Variants in BPIFC observed in about 807,000 individuals in gnomAD.
BPIFC encodes the protein BPI fold containing family C.
In BPIFC, 60 loss-of-function variants were observed where a neutral mutation model predicts 57.6. The ratio of observed to expected loss-of-function variants is 1.04; its 90% confidence interval spans 0.85 to 1.29. BPIFC has a LOEUF of 1.29. Ranked by LOEUF, BPIFC falls within the 50% of genes most tolerant of loss-of-function variation. The pLI, the probability that BPIFC is intolerant of heterozygous loss-of-function variation, is 0.00. For missense variants in BPIFC, 581 were observed against 600.5 expected (o/e 0.97, Z 0.34); for synonymous variants, 243 against 224.5 (o/e 1.08, Z -0.74).
chr22:32,416,436 T>G (rs752066306), intron 15 of BPIFC, among the ~76,000 whole-genome samples: 4 of 152,184 alleles, frequency 2.6e-5, no homozygotes, highest in Non-Finnish European at 5.9e-5. Flanking sequence ...CATGTTTGCA[T>G]TCTCTCTGAT....
intron 13 of BPIFC, among the ~76,000 whole-genome samples, chr22:32,423,688 A>C (rs1933915311): frequency 6.6e-6 from 1 of 151,730 alleles, no homozygotes; most frequent in Admixed American, 6.6e-5. Context: ...AAAACAAAAA[A>C]ACCTCCTAAG....
At chr22:32,441,281 T>C (rs538751774) in intron 8 of BPIFC, among the ~76,000 whole-genome samples, 1 of 152,336 alleles carries the variant, frequency 6.6e-6, no homozygotes, top group South Asian at 2.1e-4. Context: ...CTGGTCACTC[T>C]ATCTAGAATG....
Position 32,449,073 on chromosome 22 carries a change from C to T in BPIFC, c.246-1733G>A, listed in dbSNP as rs183660408. ...ATGAGGTGGTTGCTGTTTTTGCAAT[C>T]CCCATTTCAAAGATAAGAAGATAAA... On this transcript the variant is annotated intron_variant, in intron 4 of 16. Coordinates refer to ENST00000300399, the MANE Select transcript of BPIFC (RefSeq NM_174932.3). Among the ~76,000 whole-genome samples the T allele has an allele frequency of 5.4e-3, 826 of 152,248 alleles. 5 individuals are homozygous for T. The highest frequency in any genetic ancestry group is 8.4e-3 in the Non-Finnish European group (574 of 68,014).
At chr22:32,450,608 T>TA (rs1006943166) in intron 4 of BPIFC, among the ~76,000 whole-genome samples, 57 of 152,108 alleles carry the variant, frequency 3.7e-4, no homozygotes, top group African/African-American at 1.4e-3. Flanking sequence ...TTTCTTTTTT[T>TA]AAAAAAATAA....
chr22:32,445,974 G>C lies in BPIFC; in HGVS notation c.397C>G (p.Leu133Val). 1 of 1,614,166 alleles carries C rather than the reference G, an allele frequency of 6.2e-7. No homozygotes were observed. Residue 133 changes from leucine (L) to valine (V), a missense_variant, in exon 6 of 17, where the codon CTG becomes GTG. Transcript: ENST00000300399. ...GTAAAGTAGACTCCGGAGAGAAACA[G>C]ATCAGCCCCTCCTGTGTCTTGGCTG... ...PLFQDTGGAD[L>V]FLSGVYFTGI...
At chr22:32,460,594 C>T (rs1317531186) in intron 2 of BPIFC, among the ~76,000 whole-genome samples, 1 of 152,210 alleles carries the variant, frequency 6.6e-6, no homozygotes, top group Non-Finnish European at 1.5e-5. Flanking sequence ...TCCCTAAACA[C>T]ATGCCACGTT....
intron 5 of BPIFC, 113 bp downstream of exon 5, chr22:32,447,099 G>C (rs988078810): frequency 1.5e-6 from 2 of 1,354,360 alleles, no homozygotes; most frequent in Admixed American, 5.4e-5. Context: ...GAGAAAGATT[G>C]TTAATAATGA....
At chr22:32,417,041 G>A in intron 15 of BPIFC, 44 bp downstream of exon 15, 1 of 1,463,482 alleles carries the variant, frequency 6.8e-7, no homozygotes, top group Non-Finnish European at 9.6e-7. Flanking sequence ...GATGTTAAAT[G>A]TTAGCCGATG....
chr22:32,446,919 G>A (rs889908211), intron 5 of BPIFC: 13 of 588,666 alleles, frequency 2.2e-5, no homozygotes, highest in Non-Finnish European at 2.6e-5. Flanking sequence ...GTGGGTGATC[G>A]AAAATGTTGA....
At position 32,414,358 on chromosome 22, in the gene BPIFC, A is replaced by T. The variant is rs1933608001; in HGVS notation, c.1469T>A (p.Val490Glu). ...TSSKQQPSFH[V>E]WEGLNLISRQ... ...GCTTATCAGGTTCAGACCTTCCCATACGTGGAAACTTGGCTGCTGCTTTGA... is the reference window on the plus strand; with the variant it reads ...GCTTATCAGGTTCAGACCTTCCCATTCGTGGAAACTTGGCTGCTGCTTTGA... Residue 490 changes from valine (V) to glutamate (E), a missense_variant, in exon 17 of 17, where the codon GTA (valine) becomes GAA (glutamate). Physicochemically the swap from Val to Glu is moderately radical, Grantham distance 121. Transcript: ENST00000300399. The T allele has an allele frequency of 6.2e-7, 1 of 1,613,822 alleles. No homozygotes were observed. Among genetic ancestry groups the T allele is most frequent in the African/African-American group, 1.3e-5 (1 of 74,862 alleles).
chr22:32,441,282 A>C (rs373124507), intron 8 of BPIFC, among the ~76,000 whole-genome samples: 5 of 151,794 alleles, frequency 3.3e-5, no homozygotes. Flanking sequence ...TGGTCACTCT[A>C]TCTAGAATGG....
intron 13 of BPIFC, among the ~76,000 whole-genome samples, chr22:32,420,669 A>T (rs908294863): frequency 1.3e-5 from 2 of 152,232 alleles, no homozygotes; most frequent in African/African-American, 4.8e-5. Flanking sequence ...TATAGTTAAC[A>T]ATAATATATT....
intron 14 of BPIFC, among the ~76,000 whole-genome samples, chr22:32,417,798 A>G (rs1601440176): frequency 6.6e-6 from 1 of 152,124 alleles, no homozygotes; most frequent in Admixed American, 6.6e-5. Flanking sequence ...CGGCCACAGG[A>G]GTTCCCTTGT....
intron 12 of BPIFC, 30 bp downstream of exon 12, chr22:32,432,343 C>A (rs1934269857): frequency 6.2e-7 from 1 of 1,610,830 alleles, no homozygotes; most frequent in Non-Finnish European, 8.5e-7. Flanking sequence ...TTGGCATCTA[C>A]AGGCTGCTCC....
Position 32,445,919 on chromosome 22 carries a change from A to G in BPIFC, c.452T>C (p.Phe151Ser). ...TTGGAGCTTCAGGGTAGGATGACCA[A>G]AGTCATTTCGGGTTAGGATAATGAT... Reference protein sequence around the residue: ...TGIIILTRNDFGHPTLKLQDC... With the variant: ...TGIIILTRNDSGHPTLKLQDC... The change falls in exon 6 of 17, where the codon TTT (phenylalanine) becomes TCT (serine). Residue 151 changes from phenylalanine to serine, a missense_variant. Transcript: ENST00000300399. 1 of 1,614,026 alleles carries G rather than the reference A, an allele frequency of 6.2e-7. No homozygotes were observed. The highest frequency in any genetic ancestry group is 8.5e-7 in the Non-Finnish European group (1 of 1,179,992).
At chr22:32,444,598 T>A (rs1934662142) in intron 7 of BPIFC, among the ~76,000 whole-genome samples, 1 of 152,202 alleles carries the variant, frequency 6.6e-6, no homozygotes, top group Admixed American at 6.6e-5. Flanking sequence ...GACAATTCCA[T>A]CTTTCCCTTC....
At chr22:32,424,669 T>TCCTCCTCCTCCTCCTCCTCCTCCTCCTCC (rs1933976356) in intron 13 of BPIFC, among the ~76,000 whole-genome samples, 5 of 63,386 alleles carry the variant, frequency 7.9e-5, no homozygotes, top group Admixed American at 1.7e-4. Context: ...CTTCTTCTTC[T>TCCTCCTCCTCCTCCTCCTCCTCCTCCTCC]TCTTCTTCTT....
chr22:32,440,715 T>C (rs540511047), intron 8 of BPIFC, among the ~76,000 whole-genome samples: 17 of 152,304 alleles, frequency 1.1e-4, no homozygotes, highest in African/African-American at 3.8e-4. Context: ...CACCCTTCAC[T>C]CTTCTCCTGA....
chr22:32,426,492 C>G (rs1231746730), intron 13 of BPIFC, among the ~76,000 whole-genome samples: 1 of 152,180 alleles, frequency 6.6e-6, no homozygotes, highest in East Asian at 1.9e-4. Flanking sequence ...TGCCTTGCCC[C>G]CAGCCTGCTC....
Sources: allele counts gnomAD v4.1 joint callset (sites outside exome capture counted in the v4.1 genomes callset), GRCh38; gene constraint gnomAD v4.1.1; transcripts MANE v1.5; gene names NCBI Gene and HGNC (gene_info 2026-07-23, HGNC 2026-07-21).